SGCD: variants seen among roughly 807,000 people sequenced by gnomAD.
The protein encoded by SGCD is sarcoglycan delta.
In SGCD, 18 loss-of-function variants were observed where a neutral mutation model predicts 36.6. The observed-to-expected ratio is 0.49, with a 90% CI of 0.34 to 0.73. SGCD has a LOEUF of 0.73. Ranked by LOEUF, SGCD falls within the 30% of genes least tolerant of loss-of-function variation. The pLI is 0.01. For synonymous variants in SGCD, 133 were observed against 130.6 expected (o/e 1.02, Z -0.12); for missense variants, 387 against 346.7 (o/e 1.12, Z -0.92).
chr5:156,118,220 G>T (rs1280999378), intron 2 of SGCD, among the ~76,000 whole-genome samples: 1 of 152,086 alleles, frequency 6.6e-6, no homozygotes, highest in African/African-American at 2.4e-5. Flanking sequence ...TGAGAATTTT[G>T]TTGGTATGTA....
chr5:156,654,974 AG>A, intron 7 of SGCD, among the ~76,000 whole-genome samples: 1 of 152,264 alleles, frequency 6.6e-6, no homozygotes, highest in East Asian at 1.9e-4. Context: ...ATATGTAAAA[AG>A]GACTTTAACA....
chr5:156,014,172 A>G (rs1346888592), intron 1 of SGCD, among the ~76,000 whole-genome samples: 1 of 152,112 alleles, frequency 6.6e-6, no homozygotes, highest in Non-Finnish European at 1.5e-5. Flanking sequence ...ACATTCTAAT[A>G]TTTTAAATCT....
chr5:156,106,109 CAAAAAAAAAAAAAA>C (rs1159337817), intron 1 of SGCD, among the ~76,000 whole-genome samples: 12 of 34,940 alleles, frequency 3.4e-4, no homozygotes, highest in African/African-American at 1.0e-3. Context: ...GACTCTGCCT[CAAAAAAAAAAAAAA>C]AAAAAAAAAA....
rs184287157 is a variant in SGCD at position 156,696,423 on chromosome 5, T to C, written c.575+48887T>C. The stretch of plus-strand genomic sequence containing the variant: ...ACTGTTCTTACATAAATATGTATGC[T>C]TGGAGTTTCAAAACTCTTTTGCTCT... On this transcript the variant is annotated intron_variant, in intron 7 of 8. Coordinates refer to ENST00000337851, the MANE Select transcript of SGCD (RefSeq NM_000337.6). Among the ~76,000 whole-genome samples, 291 of 152,342 alleles carry C rather than the reference T, an allele frequency of 1.9e-3. 1 individual carries two copies. Among genetic ancestry groups the C allele is most frequent in the African/African-American group, 6.5e-3 (272 of 41,590 alleles).
chr5:156,440,288 T>C lies in SGCD; in HGVS notation c.193-68313T>C, dbSNP rs555065290. ...TTAACATAGCCTAATGTTTCATCCA[T>C]CAGTACTTTATTCTTTTTTATTGCT... On this transcript the variant is annotated intron_variant, in intron 3 of 8. Coordinates refer to ENST00000337851, the MANE Select transcript of SGCD (RefSeq NM_000337.6). 5.3e-5 allele frequency among the ~76,000 whole-genome samples: 8 copies of C among 152,300 alleles called. 1 individual carries two copies. The highest frequency in any genetic ancestry group is 1.4e-4 in the African/African-American group (6 of 41,582).
chr5:156,198,482 A>T (rs894448480), intron 3 of SGCD, among the ~76,000 whole-genome samples: 9 of 152,124 alleles, frequency 5.9e-5, no homozygotes, highest in Non-Finnish European at 8.8e-5. Flanking sequence ...CCTGCTGTGT[A>T]GAGAAGGAAT....
intron 1 of SGCD, among the ~76,000 whole-genome samples, chr5:155,945,304 A>G (rs1254359759): frequency 1.3e-5 from 2 of 152,208 alleles, no homozygotes; most frequent in Non-Finnish European, 2.9e-5. Flanking sequence ...ACAAGAGGCA[A>G]TAGGGAAGGG....
At chr5:156,322,700 G>A (rs1219103171), upstream of SGCD, among the ~76,000 whole-genome samples, 3 of 152,178 alleles carry the variant, frequency 2.0e-5, no homozygotes, top group Non-Finnish European at 1.5e-5. Context: ...CAGAAGGTGA[G>A]AACAGCTTTT....
intron 3 of SGCD, among the ~76,000 whole-genome samples, chr5:156,455,425 G>T (rs1027330093): frequency 6.9e-6 from 1 of 144,542 alleles, no homozygotes; most frequent in Non-Finnish European, 1.5e-5. Context: ...CTTCTTAATG[G>T]GAAAAGGGGA....
intron 4 of SGCD, among the ~76,000 whole-genome samples, chr5:156,526,341 G>T (rs1040732387): frequency 5.3e-5 from 8 of 152,124 alleles, no homozygotes; most frequent in African/African-American, 1.9e-4. Flanking sequence ...TAGTTGCAAG[G>T]AGCAAAGTCA....
At chr5:155,839,694 G>A in the SGCD span, among the ~76,000 whole-genome samples, 1 of 152,028 alleles carries the variant, frequency 6.6e-6, no homozygotes, top group African/African-American at 2.4e-5. Flanking sequence ...TACTCTGAAA[G>A]GAAATGAAGT....
At chr5:155,780,168 T>A in the SGCD span, among the ~76,000 whole-genome samples, 1 of 152,124 alleles carries the variant, frequency 6.6e-6, no homozygotes, top group Non-Finnish European at 1.5e-5. Context: ...TTTCTCCATC[T>A]GATTATAGCA....
intron 6 of SGCD, among the ~76,000 whole-genome samples, chr5:156,641,666 A>C (rs909211081): frequency 3.3e-5 from 5 of 152,224 alleles, no homozygotes; most frequent in Admixed American, 3.3e-4. Flanking sequence ...ATAAAGTTTT[A>C]ATGGGCATGG....
At chr5:155,922,908 C>T (rs1756917430) in intron 1 of SGCD, among the ~76,000 whole-genome samples, 1 of 152,150 alleles carries the variant, frequency 6.6e-6, no homozygotes, top group South Asian at 2.1e-4. Flanking sequence ...ATTTGAATGC[C>T]CCAGTGCTCC....
At chr5:156,430,960 C>A (rs945212073) in intron 3 of SGCD, among the ~76,000 whole-genome samples, 24 of 152,082 alleles carry the variant, frequency 1.6e-4, no homozygotes, top group African/African-American at 5.1e-4. Context: ...AGGCTTCAGG[C>A]CAATGGGAGA....
At chr5:156,240,856 C>T (rs1214922354) in intron 3 of SGCD, among the ~76,000 whole-genome samples, 1 of 152,110 alleles carries the variant, frequency 6.6e-6, no homozygotes, top group Non-Finnish European at 1.5e-5. Context: ...GATAAGAAAA[C>T]ACTGGCTCTT....
intron 1 of SGCD, among the ~76,000 whole-genome samples, chr5:156,049,740 C>A (rs1471861015): frequency 6.8e-6 from 1 of 146,450 alleles, no homozygotes; most frequent in Admixed American, 6.8e-5. Flanking sequence ...ATTTGTGATT[C>A]ATGAAAAGAG....
rs1302903054 is a variant in SGCD, at chr5:156,055,872, C to T, written c.-281-62006C>T. ...TTGCCACAATGAAAGCATGGTATTA[C>T]ATGCTTAGTGGAATAAAAAACAGAA... On this transcript the variant is annotated intron_variant, in intron 1 of 9. Coordinates refer to the SGCD transcript ENST00000517913. 2.1e-5 allele frequency among the ~76,000 whole-genome samples: 3 copies of T among 146,194 alleles called. 1 individual carries two copies. Among genetic ancestry groups the T allele is most frequent in the African/African-American group, 7.4e-5 (3 of 40,566 alleles).
At chr5:156,512,658 C>T (rs1271832246) in intron 4 of SGCD, among the ~76,000 whole-genome samples, 1 of 152,158 alleles carries the variant, frequency 6.6e-6, no homozygotes, top group African/African-American at 2.4e-5. Flanking sequence ...AAGTTACAAT[C>T]TGATAAGTTC....
Sources: allele counts gnomAD v4.1 joint callset (sites outside exome capture counted in the v4.1 genomes callset), GRCh38; gene constraint gnomAD v4.1.1; transcripts MANE v1.5; gene names NCBI Gene and HGNC (gene_info 2026-07-23, HGNC 2026-07-21).